The following NLRP9 variants were observed in gnomAD, a reference collection of about 807,000 sequenced individuals.
NLRP9 encodes the protein NACHT, LRR and PYD domains-containing protein 9.
NLRP9 carries 88 observed loss-of-function variants against 83.1 expected under a neutral mutation model. That is an observed-to-expected ratio of 1.06 (90% confidence interval 0.89 to 1.26). The LOEUF (loss-of-function observed/expected upper bound fraction) is 1.26, where lower values mean the gene tolerates loss of function less well. Among genes scored for constraint, NLRP9 ranks in the 50% most tolerant of loss-of-function variants. The probability of loss-of-function intolerance (pLI) is 0.00; values close to 1 mark genes in which losing one functional copy is unlikely to be tolerated. For missense variants in NLRP9, 1,308 were observed against 1,179.3 expected (o/e 1.11, Z -1.60); for synonymous variants, 521 against 447.6 (o/e 1.16, Z -2.07).
chr19:55,733,919 A>AATTTTTTTTTTTTTTTTTTTTT (rs1555796186), intron 1 of NLRP9, among the ~76,000 whole-genome samples: 2 of 117,868 alleles, frequency 1.7e-5, no homozygotes, highest in African/African-American at 7.2e-5. Flanking sequence ...TGTCAACCAA[A>AATTTTTTTTTTTTTTTTTTTTT]TTTTTTTTTT....
chr19:55,711,781 G>C lies in NLRP9; in HGVS notation c.2843+19C>G, dbSNP rs761145545. 6.2e-7 allele frequency: 1 copy of C among 1,610,748 alleles called. No individual in the cohort carries two copies. Among genetic ancestry groups the C allele is most frequent in the African/African-American group, 1.3e-5 (1 of 74,974 alleles). On this transcript the variant is annotated intron_variant, in intron 8 of 8. Transcript: ENST00000332836. ...TCGTTCTGAAGTCACTCACCCCAAA[G>C]GAAACAGTGTCCACTCACCCCAGCA...
Position 55,733,062 on chromosome 19 carries a change from G to C in NLRP9, c.769C>G (p.Leu257Val), listed in dbSNP as rs943295288. ...ATCTTTTTTTGCAACAAACTGCTCA[G>C]GATAATTGGCATTGGCTGCCGCTGC... ...WRQRQPMPIILSSLLQKKMLP... is the reference protein window; with the variant it reads ...WRQRQPMPIIVSSLLQKKMLP... Residue 257 changes from leucine (L) to valine (V), a missense_variant, in exon 2 of 9, where the codon CTG (leucine) becomes GTG (valine). Physicochemically the swap from Leu to Val is conservative, Grantham distance 32. Coordinates refer to ENST00000332836, the MANE Select transcript of NLRP9 (RefSeq NM_176820.4). 6.2e-7 allele frequency: 1 copy of C among 1,613,784 alleles called. No individual in the cohort carries two copies. Among genetic ancestry groups the C allele is most frequent in the Non-Finnish European group, 8.5e-7 (1 of 1,179,942 alleles).
intron 1 of NLRP9, among the ~76,000 whole-genome samples, chr19:55,733,992 G>A (rs923124520): frequency 1.4e-5 from 2 of 146,882 alleles, no homozygotes; most frequent in African/African-American, 2.6e-5. Context: ...GCGGGATCTC[G>A]GCTCACTGCA....
chr19:55,734,071 C>T (rs1254798427), intron 1 of NLRP9, among the ~76,000 whole-genome samples: 3 of 151,798 alleles, frequency 2.0e-5, no homozygotes, highest in East Asian at 1.9e-4. Context: ...TACAGGCGCC[C>T]GCCACTACGC....
intron 5 of NLRP9, among the ~76,000 whole-genome samples, chr19:55,715,684 C>CA (rs995829551): frequency 2.6e-5 from 4 of 151,210 alleles, no homozygotes; most frequent in African/African-American, 9.7e-5. Context: ...AACTCCGTCT[C>CA]AAAAAAAAGA....
At chr19:55,729,248 T>TA (rs1023544907) in intron 3 of NLRP9, among the ~76,000 whole-genome samples, 6 of 148,448 alleles carry the variant, frequency 4.0e-5, no homozygotes, top group African/African-American at 1.5e-4. Context: ...TTTTTTTTTT[T>TA]ATTATACTTT....
At chr19:55,723,545 G>A (rs1268524943) in intron 4 of NLRP9, among the ~76,000 whole-genome samples, 1 of 151,844 alleles carries the variant, frequency 6.6e-6, no homozygotes, top group African/African-American at 2.4e-5. Context: ...GGGGCAATAT[G>A]GTGAAACCCC....
chr19:55,721,873 C>T (rs1988236319), intron 4 of NLRP9, among the ~76,000 whole-genome samples: 1 of 152,184 alleles, frequency 6.6e-6, no homozygotes, highest in Admixed American at 6.5e-5. Context: ...TGAGATGTGC[C>T]TTTCACCTTC....
At chr19:55,725,466 T>C (rs1988372017) in intron 3 of NLRP9, among the ~76,000 whole-genome samples, 1 of 152,182 alleles carries the variant, frequency 6.6e-6, no homozygotes, top group Admixed American at 6.5e-5. Context: ...ACTTTTACCA[T>C]GTTCAAAAAC....
At chr19:55,727,805 G>A (rs1458724401) in intron 3 of NLRP9, among the ~76,000 whole-genome samples, 1 of 152,146 alleles carries the variant, frequency 6.6e-6, no homozygotes, top group East Asian at 1.9e-4. Context: ...TGGAGGTTTA[G>A]TCAACAGAGA....
chr19:55,728,380 G>A (rs1568601314), intron 3 of NLRP9, among the ~76,000 whole-genome samples: 1 of 152,046 alleles, frequency 6.6e-6, no homozygotes, highest in Non-Finnish European at 1.5e-5. Context: ...TTTGAGACCA[G>A]CCTGGCCAAC....
In NLRP9 at chr19:55,729,899, G is replaced by C. The variant is rs193384; in HGVS notation, c.1926C>G (p.Leu642=). The C allele has an allele frequency of 6.2e-7, 1 of 1,613,712 alleles. No homozygotes were observed. Among genetic ancestry groups the C allele is most frequent in the Non-Finnish European group, 8.5e-7 (1 of 1,179,678 alleles). ...FQILDMENTS[L]DDPSLAILCK... ...AAAGAATCGCCAGGGAGGGATCATC[G>C]AGGCTGGTATTTTCCATGTCTAAAA... is the stretch of plus-strand genomic sequence containing the variant. The change falls in exon 3 of 9, where the codon CTC becomes CTG. Residue 642 remains leucine (L), a synonymous_variant. Coordinates refer to ENST00000332836, the MANE Select transcript of NLRP9 (RefSeq NM_176820.4).
rs765206690 is a variant in NLRP9, at chr19:55,712,408, G to A, written c.2672+12C>T. 1.0e-5 allele frequency: 16 copies of A among 1,602,130 alleles called. No homozygotes were observed. The East Asian group carries it at 3.1e-4, about 31-fold the overall frequency. The stretch of plus-strand genomic sequence containing the variant: ...ATAAATTTTCCTACGATGGTGATCA[G>A]TAGATACTCACCCGAGACACTCTAA... On this transcript the variant is annotated intron_variant, in intron 7 of 8. Transcript: ENST00000332836.
In NLRP9 at chr19:55,732,361, C is replaced by G; in HGVS notation, c.1470G>C (p.Gln490His). 1 of 1,614,218 alleles carries G rather than the reference C, an allele frequency of 6.2e-7. No homozygotes were observed. The highest frequency in any genetic ancestry group is 8.5e-7 in the Non-Finnish European group (1 of 1,180,022). Residue 490 changes from glutamine to histidine, a missense_variant, in exon 2 of 9, where the codon CAG becomes CAC. Gln to His is a conservative substitution (Grantham distance 24). Transcript: ENST00000332836. The stretch of plus-strand genomic sequence containing the variant: ...AAATTCCAAACATGAATATCCCCAC[C>G]TGGGTCAAGAGGGTTTGAGGCTGAA... ...SVVQPQTLLT[Q>H]VGIFMFGIST...
chr19:55,715,691 A>C (rs377746961), intron 5 of NLRP9, among the ~76,000 whole-genome samples: 1 of 152,210 alleles, frequency 6.6e-6, no homozygotes, highest in Non-Finnish European at 1.5e-5. Flanking sequence ...TCTCAAAAAA[A>C]AGAAAAGGGG....
chr19:55,709,285 A>G (rs1188546321), intron 8 of NLRP9: 1 of 275,534 alleles, frequency 3.6e-6, no homozygotes, highest in Non-Finnish European at 6.7e-6. Flanking sequence ...TTCAAAAAAG[A>G]TGAATTTAAG....
At position 55,733,086 on chromosome 19, in the gene NLRP9, G is replaced by A. The variant is rs755051761; in HGVS notation, c.745C>T (p.Gln249Ter). Reference protein sequence around the residue: ...LKADLSDDWRQRQPMPIILSS... With the variant: ...LKADLSDDWR Reference sequence around the variant, plus strand: ...AGGATAATTGGCATTGGCTGCCGCTGCCTCCAATCATCGCTCAAGTCAGCC... The same window carrying A: ...AGGATAATTGGCATTGGCTGCCGCTACCTCCAATCATCGCTCAAGTCAGCC... Residue 249 changes from glutamine (Q) to a stop codon, truncating the protein, a stop_gained, in exon 2 of 9, where the codon CAG (glutamine) becomes TAG (stop). Transcript: ENST00000332836. LOFTEE classifies it high-confidence loss of function. The A allele has an allele frequency of 6.2e-7, 1 of 1,613,930 alleles. No homozygotes were observed. Among genetic ancestry groups the A allele is most frequent in the Non-Finnish European group, 8.5e-7 (1 of 1,179,890 alleles).
intron 6 of NLRP9, among the ~76,000 whole-genome samples, chr19:55,714,485 G>C (rs138458055): frequency 1.3e-3 from 199 of 152,260 alleles, no homozygotes; most frequent in African/African-American, 4.7e-3. Flanking sequence ...GGCCTTTCTA[G>C]GGCTGGAGAC....
Position 55,721,133 on chromosome 19 carries a change from T to A in NLRP9, c.2159+2847A>T, listed in dbSNP as rs549412470. Among the ~76,000 whole-genome samples the A allele has an allele frequency of 7.2e-5, 11 of 152,342 alleles. No homozygotes were observed. In the East Asian group the frequency reaches 2.1e-3, roughly 29 times the overall value. ...TGGAAGTTTCATAAAAGCATATTTT[T>A]AAAAACAGCTTTGTACATTTCATTA... On this transcript the variant is annotated intron_variant, in intron 4 of 8. Coordinates refer to ENST00000332836, the MANE Select transcript of NLRP9 (RefSeq NM_176820.4).
Sources: allele counts gnomAD v4.1 joint callset (sites outside exome capture counted in the v4.1 genomes callset), GRCh38; gene constraint gnomAD v4.1.1; transcripts MANE v1.5; gene names NCBI Gene and HGNC (gene_info 2026-07-23, HGNC 2026-07-21).